PLCB1: variants seen among roughly 807,000 people sequenced by gnomAD.
The protein encoded by PLCB1 is phospholipase C beta 1.
PLCB1 carries 46 observed loss-of-function variants against 161.8 expected under a neutral mutation model. The observed-to-expected ratio is 0.28, with a 90% CI of 0.22 to 0.36. PLCB1 has a LOEUF of 0.36. PLCB1 is among the 10% of genes least tolerant of loss of function. The pLI is 1.00. For missense variants in PLCB1, 1,016 were observed against 1,472.5 expected, an observed-to-expected ratio of 0.69 and a Z score of 5.07; for synonymous variants, 517 against 503.7, an observed-to-expected ratio of 1.03 and a Z score of -0.35.
intron 2 of PLCB1, among the ~76,000 whole-genome samples, chr20:8,301,515 A>T (rs906285570): frequency 6.6e-6 from 1 of 152,156 alleles, no homozygotes; most frequent in African/African-American, 2.4e-5. Context: ...CCAGAATGCT[A>T]AGAGAGCCAC....
intron 7 of PLCB1, chr20:8,651,679 TAG>T (rs11469509): frequency 0.24 from 130,581 of 538,950 alleles, 18,601 homozygotes; most frequent in African/African-American, 0.47. Context: ...TCAAGGACAA[TAG>T]AGTCTTCTGG....
chr20:8,135,368 C>G (rs1439618339), intron 1 of PLCB1, among the ~76,000 whole-genome samples: 2 of 152,144 alleles, frequency 1.3e-5, no homozygotes, highest in East Asian at 3.9e-4. Context: ...GTCTTGTTGT[C>G]TTGACCACCA....
At chr20:8,276,974 C>CTTATTATTATTA (rs1202925460) in intron 2 of PLCB1, among the ~76,000 whole-genome samples, 9 of 100,948 alleles carry the variant, frequency 8.9e-5, no homozygotes, top group South Asian at 3.2e-4. Context: ...TCTTCTTCTT[C>CTTATTATTATTA]TTCTTCTTCT....
intron 3 of PLCB1, among the ~76,000 whole-genome samples, chr20:8,561,525 G>C (rs541210712): frequency 6.6e-6 from 1 of 151,994 alleles, no homozygotes; most frequent in East Asian, 1.9e-4. Context: ...AAGTTCAAGC[G>C]TCTCTTTCTA....
intron 2 of PLCB1, among the ~76,000 whole-genome samples, chr20:8,228,392 G>A (rs116887148): frequency 6.6e-6 from 1 of 152,022 alleles, no homozygotes; most frequent in Non-Finnish European, 1.5e-5. Context: ...TCTGTTCCTT[G>A]CCATCCACCT....
In PLCB1 at chr20:8,739,273, A is replaced by T; in HGVS notation, c.2221A>T (p.Thr741Ser). The change falls in exon 21 of 32, where the codon ACT becomes TCT. Residue 741 changes from threonine (T) to serine (S), a missense_variant. Transcript: ENST00000338037. Reference protein sequence around the residue: ...PIVFKKVVLPTLACLRIAVYE... With the variant: ...PIVFKKVVLPSLACLRIAVYE... ...ATGTCCTTTGTAGGTGGTTCTTCCT[A>T]CTCTGGCCTGTTTGAGAATAGCAGT... The T allele has an allele frequency of 6.2e-7, 1 of 1,611,004 alleles. No individual in the cohort carries two copies. Among genetic ancestry groups the T allele is most frequent in the Non-Finnish European group, 8.5e-7 (1 of 1,177,170 alleles).
At chr20:8,655,267 A>G (rs74596229) in intron 7 of PLCB1, among the ~76,000 whole-genome samples, 4,694 of 152,282 alleles carry the variant, frequency 0.031, 112 homozygotes, top group Admixed American at 0.047. Flanking sequence ...ATAACAGCAC[A>G]TGCGTGCTCG....
chr20:8,320,181 T>C (rs1984847828), intron 2 of PLCB1, among the ~76,000 whole-genome samples: 1 of 152,136 alleles, frequency 6.6e-6, no homozygotes, highest in Non-Finnish European at 1.5e-5. Context: ...CTATATGTTG[T>C]TATTGTGTTG....
At chr20:8,403,647 C>A (rs1978660570) in intron 3 of PLCB1, among the ~76,000 whole-genome samples, 2 of 151,536 alleles carry the variant, frequency 1.3e-5, no homozygotes, top group East Asian at 2.0e-4. Flanking sequence ...GTAGTCCCAG[C>A]TACTTGGAAG....
intron 3 of PLCB1, among the ~76,000 whole-genome samples, chr20:8,543,018 C>T (rs544093947): frequency 6.6e-6 from 1 of 152,332 alleles, no homozygotes; most frequent in Admixed American, 6.5e-5. Context: ...GATCAAACCT[C>T]TGCCCTTATG....
intron 3 of PLCB1, among the ~76,000 whole-genome samples, chr20:8,582,192 T>G (rs1186526683): frequency 2.6e-5 from 4 of 152,194 alleles, no homozygotes; most frequent in African/African-American, 9.7e-5. Context: ...TATTGGTACC[T>G]CACCCTGCAT....
chr20:8,543,042 C>T (rs898763809), intron 3 of PLCB1, among the ~76,000 whole-genome samples: 2 of 152,118 alleles, frequency 1.3e-5, no homozygotes, highest in African/African-American at 2.4e-5. Context: ...GTGATAAATG[C>T]TCTAGCACCT....
chr20:8,339,326 C>CA (rs1985712283), intron 2 of PLCB1, among the ~76,000 whole-genome samples: 1 of 152,114 alleles, frequency 6.6e-6, no homozygotes, highest in African/African-American at 2.4e-5. Flanking sequence ...CTCATGTGGG[C>CA]ACTTCCACAG....
intron 27 of PLCB1, among the ~76,000 whole-genome samples, chr20:8,777,629 G>A (rs1983005997): frequency 6.6e-6 from 1 of 150,952 alleles, no homozygotes; most frequent in African/African-American, 2.4e-5. Context: ...TGAGGTGTGA[G>A]AATCGCTTGA....
At chr20:8,380,193 T>C (rs969391779) in intron 3 of PLCB1, among the ~76,000 whole-genome samples, 1 of 152,192 alleles carries the variant, frequency 6.6e-6, no homozygotes, top group African/African-American at 2.4e-5. Flanking sequence ...GGCTAGCCAG[T>C]TTTCCCAGCA....
chr20:8,435,301 C>G (rs1980249724), intron 3 of PLCB1, among the ~76,000 whole-genome samples: 1 of 152,078 alleles, frequency 6.6e-6, no homozygotes, highest in Non-Finnish European at 1.5e-5. Flanking sequence ...CATGCCCTGC[C>G]CATTAAGTGT....
intron 3 of PLCB1, among the ~76,000 whole-genome samples, chr20:8,622,210 C>T (rs1196318969): frequency 2.7e-5 from 4 of 150,466 alleles, no homozygotes; most frequent in African/African-American, 9.8e-5. Context: ...GCCAAGATCA[C>T]GCCACTGCAT....
chr20:8,487,806 T>C (rs1982792011), intron 3 of PLCB1, among the ~76,000 whole-genome samples: 1 of 152,184 alleles, frequency 6.6e-6, no homozygotes. Flanking sequence ...GTATTTTTAA[T>C]AGTAGATGTG....
intron 3 of PLCB1, among the ~76,000 whole-genome samples, chr20:8,461,076 C>G (rs56170888): frequency 2.0e-5 from 3 of 152,100 alleles, no homozygotes; most frequent in Non-Finnish European, 4.4e-5. Context: ...TTTAATTAAT[C>G]TAAATTTAAA....
Sources: allele counts gnomAD v4.1 joint callset (sites outside exome capture counted in the v4.1 genomes callset), GRCh38; gene constraint gnomAD v4.1.1; transcripts MANE v1.5; gene names NCBI Gene and HGNC (gene_info 2026-07-23, HGNC 2026-07-21).